Variants in TCOF1 observed in about 807,000 individuals in gnomAD.
TCOF1 encodes treacle protein.
TCOF1 carries 33 observed loss-of-function variants against 149.0 expected under a neutral mutation model. The ratio of observed to expected loss-of-function variants is 0.22; its 90% confidence interval spans 0.17 to 0.30. The LOEUF is 0.30. Ranked by LOEUF, TCOF1 falls within the 10% of genes least tolerant of loss-of-function variation. The pLI, the probability that TCOF1 is intolerant of heterozygous loss-of-function variation, is 1.00. For synonymous variants in TCOF1, 789 were observed against 738.8 expected, an observed-to-expected ratio of 1.07 and a Z score of -1.10; for missense variants, 1,728 against 1,840.7, an observed-to-expected ratio of 0.94 and a Z score of 1.12.
In TCOF1 at chr5:150,369,551, C is replaced by T. The variant is rs761292462; in HGVS notation, c.588C>T (p.Ala196=). The change falls in exon 6 of 27, where the codon GCC becomes GCT. Residue 196 remains alanine, a synonymous_variant. Transcript: ENST00000643257. ...AKPGMVSAGQ[A]DSSSEDTSSS... ...CAGGGATGGTGTCAGCGGGCCAGGC[C>T]GACAGCTCCAGCGAGGACACCTCCA... is the stretch of plus-strand genomic sequence containing the variant. 16 of 1,613,976 alleles carry T rather than the reference C, an allele frequency of 9.9e-6. No homozygotes were observed. Among genetic ancestry groups the T allele is most frequent in the South Asian group, 4.4e-5 (4 of 91,078 alleles).
chr5:150,357,860 C>T lies in TCOF1; in HGVS notation c.108+6C>T, dbSNP rs1299966001. ...TGAAGGAGCAGAGCGGCCAGGTAAG[C>T]GTTCGTGGGCCGTGTGCGAGGGCCG... On this transcript the variant is annotated splice_donor_region_variant and intron_variant, in intron 1 of 26. Transcript: ENST00000643257. 6.5e-7 allele frequency: 1 copy of T among 1,548,898 alleles called. No homozygotes were observed. Among genetic ancestry groups the T allele is most frequent in the South Asian group, 1.2e-5 (1 of 84,020 alleles).
chr5:150,370,146 A>C (rs780039495), intron 6 of TCOF1, among the ~76,000 whole-genome samples: 13 of 152,190 alleles, frequency 8.5e-5, no homozygotes, highest in Middle Eastern at 3.2e-3. Context: ...ACTAAGTGGC[A>C]GACCTGGGGA....
rs77741284 is a variant in TCOF1, at chr5:150,369,634, C to T, written c.639+32C>T. 115,809 of 1,611,456 alleles carry T rather than the reference C, an allele frequency of 0.072. 4,772 individuals carry two copies. Among genetic ancestry groups the T allele is most frequent in the Non-Finnish European group, 0.085 (100,067 of 1,178,324 alleles). On this transcript the variant is annotated intron_variant, in intron 6 of 26. Transcript: ENST00000643257. ...GCCACCCATCCCTAGGAGTTGCCCT[C>T]TCCCAGCCTCTAACCCTTCCAGGAA...
rs924709490 is a variant in TCOF1, at chr5:150,379,126, G to A, written c.2478+84G>A. ...TCACTGAGCCCAGCCAGGAGAAGGT[G>A]CGTGCATGGGCAGGCCACCCACCCA... On this transcript the variant is annotated intron_variant, in intron 15 of 26. Coordinates refer to ENST00000643257, the MANE Select transcript of TCOF1 (RefSeq NM_001371623.1). 2.0e-5 allele frequency: 32 copies of A among 1,613,908 alleles called. No individual in the cohort carries two copies. In the Admixed American group the frequency reaches 4.8e-4, roughly 24 times the overall value.
At position 150,367,840 on chromosome 5, in the gene TCOF1, G is replaced by C. The variant is rs886563882; in HGVS notation, c.305-4G>C. On this transcript the variant is annotated splice_polypyrimidine_tract_variant and splice_region_variant and intron_variant, in intron 3 of 26. Transcript: ENST00000643257. ...CTCCTTTAGCAGATGTTTGTTTCTT[G>C]CAGCCCCAAGACTAGCATCTACCAA... The C allele has an allele frequency of 3.7e-6, 6 of 1,614,024 alleles. No homozygotes were observed. Among genetic ancestry groups the C allele is most frequent in the Admixed American group, 3.3e-5 (2 of 59,994 alleles).
intron 12 of TCOF1, 55 bp downstream of exon 12, chr5:150,375,964 G>T: frequency 6.2e-7 from 1 of 1,613,952 alleles, no homozygotes; most frequent in Non-Finnish European, 8.5e-7. Flanking sequence ...ACCACAGTCA[G>T]CACCCCCGGG....
chr5:150,388,011 C>T lies in TCOF1; in HGVS notation c.2969C>T (p.Ser990Leu), dbSNP rs191882119. The T allele has an allele frequency of 2.5e-5, 40 of 1,613,846 alleles. No individual in the cohort carries two copies. The highest frequency in any genetic ancestry group is 3.2e-5 in the Non-Finnish European group (38 of 1,180,028). The change falls in exon 18 of 27, where the codon TCG becomes TTG. Residue 990 changes from serine to leucine, a missense_variant. By Grantham distance (145) the Ser-to-Leu change is moderately radical. This residue lies in a region of TCOF1 where 1,696 missense variants were observed against 1,765.4 expected (regional missense o/e 0.96). Transcript: ENST00000643257. ...AASTPRKARA[S>L]ESTARSSSSE... ...AGCACCCCGAGGAAGGCCCGAGCCTCGGAGAGCACAGCCAGGAGCTCCTCC... is the reference window on the plus strand; with the variant it reads ...AGCACCCCGAGGAAGGCCCGAGCCTTGGAGAGCACAGCCAGGAGCTCCTCC...
At chr5:150,383,997 A>T in intron 17 of TCOF1, 1 of 1,381,088 alleles carries the variant, frequency 7.2e-7, no homozygotes. Context: ...CTCTAGCCCC[A>T]AGCTCCCAGA....
intron 14 of TCOF1, chr5:150,378,625 A>C (rs1222153423): frequency 1.5e-5 from 7 of 474,444 alleles, no homozygotes; most frequent in Non-Finnish European, 2.3e-5. Context: ...AGGCACGCAC[A>C]ATGAGTTTGA....
chr5:150,378,950 G>T lies in TCOF1; in HGVS notation c.2386G>T (p.Ala796Ser), dbSNP rs1348322908. Reference protein sequence around the residue: ...KKTQAKANPAAARAPSAKGTI... With the variant: ...KKTQAKANPASARAPSAKGTI... ...AACCCAGGCCAAAGCCAACCCAGCTGCCGCCAGAGCACCTTCAGCAAAAGG... is the reference window on the plus strand; with the variant it reads ...AACCCAGGCCAAAGCCAACCCAGCTTCCGCCAGAGCACCTTCAGCAAAAGG... The change falls in exon 15 of 27, where the codon GCC (alanine) becomes TCC (serine). Residue 796 changes from alanine to serine, a missense_variant. Ala to Ser is a moderately conservative substitution (Grantham distance 99). Around this residue, in one of 2 missense-constraint regions of TCOF1, gnomAD observed 1,696 missense variants for 1,765.4 expected, o/e 0.96. Coordinates refer to ENST00000643257, the MANE Select transcript of TCOF1 (RefSeq NM_001371623.1). 1 of 1,614,056 alleles carries T rather than the reference G, an allele frequency of 6.2e-7. No individual in the cohort carries two copies. Among genetic ancestry groups the T allele is most frequent in the Admixed American group, 1.7e-5 (1 of 60,020 alleles).
At chr5:150,392,264 A>C in intron 21 of TCOF1, 88 bp downstream of exon 21, 1 of 1,354,850 alleles carries the variant, frequency 7.4e-7, no homozygotes, top group Non-Finnish European at 1.0e-6. Flanking sequence ...TCAGCTCCAT[A>C]TCTCAGACTC....
At chr5:150,364,285 G>T in intron 3 of TCOF1, 33 bp downstream of exon 3, 1 of 1,613,704 alleles carries the variant, frequency 6.2e-7, no homozygotes, top group South Asian at 1.1e-5. Context: ...AACAGGCTAT[G>T]GAATATTGAT....
In TCOF1 at chr5:150,376,196, G is replaced by A. The variant is rs1243009362; in HGVS notation, c.2008G>A (p.Gly670Arg). The A allele has an allele frequency of 3.7e-6, 6 of 1,614,218 alleles. No homozygotes were observed. The highest frequency in any genetic ancestry group is 5.1e-6 in the Non-Finnish European group (6 of 1,180,016). ...GGGCACCCAAGCCCCCCGGAAAGCA[G>A]GAACTGCGACTTCTCCAGCAGGCTC... Reference protein sequence around the residue: ...RVGTQAPRKAGTATSPAGSSP... With the variant: ...RVGTQAPRKARTATSPAGSSP... Residue 670 changes from glycine (G) to arginine (R), a missense_variant, in exon 13 of 27, where the codon GGA (glycine) becomes AGA (arginine). Gly to Arg is a moderately radical substitution (Grantham distance 125). This residue lies in a region of TCOF1 where 1,696 missense variants were observed against 1,765.4 expected (regional missense o/e 0.96). Transcript: ENST00000643257.
chr5:150,364,276 A>C, intron 3 of TCOF1, 24 bp downstream of exon 3: 1 of 1,613,880 alleles, frequency 6.2e-7, no homozygotes, highest in South Asian at 1.1e-5. Context: ...AGCTTTGGGA[A>C]CAGGCTATGG....
Position 150,376,146 on chromosome 5 carries a change from C to T in TCOF1, c.1958C>T (p.Ser653Phe). 3.7e-6 allele frequency: 6 copies of T among 1,614,250 alleles called. No individual in the cohort carries two copies. The highest frequency in any genetic ancestry group is 4.2e-6 in the Non-Finnish European group (5 of 1,180,054). The stretch of plus-strand genomic sequence containing the variant: ...CCAAAGAAAACCAATACCACTGCAT[C>T]TGCCAAGGTCGCCCCTGTGCGAGTG... ...ACPKKTNTTA[S>F]AKVAPVRVGT... Residue 653 changes from serine to phenylalanine, a missense_variant, in exon 13 of 27, where the codon TCT becomes TTT. Transcript: ENST00000643257.
At position 150,364,255 on chromosome 5, in the gene TCOF1, A is replaced by AACT. The variant is rs1461952702; in HGVS notation, c.304+4_304+5insCTA. 6.2e-7 allele frequency: 1 copy of AACT among 1,614,132 alleles called. No homozygotes were observed. The highest frequency in any genetic ancestry group is 1.1e-5 in the South Asian group (1 of 91,086). On this transcript the variant is annotated splice_donor_region_variant and intron_variant, in intron 3 of 26. Transcript: ENST00000643257. ...AGAAGCCGAAACCGCCAAAGCCAGTAAGAGCCTTGCAGCTTTGGGAACAGG... is the reference window on the plus strand; with the variant it reads ...AGAAGCCGAAACCGCCAAAGCCAGTAACTAGAGCCTTGCAGCTTTGGGAACAGG...
chr5:150,374,205 G>A lies in TCOF1; in HGVS notation c.902G>A (p.Arg301Lys), dbSNP rs1763172163. ...GCCTCTGAAAAAATTCTCCAGGTCA[G>A]AGCTGCCTCAGCCCCTGCCAAGGGG... ...VKASEKILQV[R>K]AASAPAKGTP... Residue 301 changes from arginine to lysine, a missense_variant, in exon 8 of 27, where the codon AGA (arginine) becomes AAA (lysine). Coordinates refer to ENST00000643257, the MANE Select transcript of TCOF1 (RefSeq NM_001371623.1). 1.2e-6 allele frequency: 2 copies of A among 1,612,766 alleles called. No individual in the cohort carries two copies. The highest frequency in any genetic ancestry group is 1.7e-6 in the Non-Finnish European group (2 of 1,179,620).
At chr5:150,367,310 A>G (rs184584642) in intron 3 of TCOF1, among the ~76,000 whole-genome samples, 29 of 152,290 alleles carry the variant, frequency 1.9e-4, no homozygotes, top group Admixed American at 9.2e-4. Context: ...GTCCCAGTAA[A>G]TAAATAAGCA....
rs142671991 is a variant in TCOF1, at chr5:150,398,161, A to G, written c.4346-193A>G. On this transcript the variant is annotated intron_variant, in intron 24 of 26. Coordinates refer to ENST00000643257, the MANE Select transcript of TCOF1 (RefSeq NM_001371623.1). ...GGTCTTGAACTCCTGGGCTTAAGCA[A>G]TCCACCCGCCTCAGCCTCCCAAAGT... is the stretch of plus-strand genomic sequence containing the variant. Among the ~76,000 whole-genome samples the G allele has an allele frequency of 0.021, 3,141 of 152,148 alleles. 103 individuals are homozygous for G. The highest frequency in any genetic ancestry group is 0.071 in the African/African-American group (2,958 of 41,504).
Sources: allele counts gnomAD v4.1 joint callset (sites outside exome capture counted in the v4.1 genomes callset), GRCh38; gene constraint gnomAD v4.1.1; regional missense constraint gnomAD v4.1.1; transcripts MANE v1.5; gene names NCBI Gene and HGNC (gene_info 2026-07-23, HGNC 2026-07-21).